Variants in SCPEP1 observed in about 807,000 individuals in gnomAD.
The protein encoded by SCPEP1 is retinoid-inducible serine carboxypeptidase.
Under a neutral mutation model 63.8 loss-of-function variants are expected in SCPEP1, and 51 were observed. The observed-to-expected ratio is 0.80, with a 90% CI of 0.64 to 1.01. The LOEUF (loss-of-function observed/expected upper bound fraction) is 1.01. Among genes scored for constraint, SCPEP1 ranks in the 50% least tolerant of loss-of-function variants. The pLI, the probability that SCPEP1 is intolerant of heterozygous loss-of-function variation, is 0.00. For synonymous variants in SCPEP1, 204 were observed against 207.8 expected (o/e 0.98, Z 0.16); for missense variants, 499 against 554.9 (o/e 0.90, Z 1.01).
At chr17:57,004,258 C>T (rs968133515) in intron 12 of SCPEP1, among the ~76,000 whole-genome samples, 1 of 152,120 alleles carries the variant, frequency 6.6e-6, no homozygotes, top group Non-Finnish European at 1.5e-5. Context: ...GGCGCGGTGG[C>T]GCCTGCCTGT....
chr17:56,990,619 T>C (rs1265668777), intron 5 of SCPEP1, among the ~76,000 whole-genome samples: 1 of 152,202 alleles, frequency 6.6e-6, no homozygotes, highest in Non-Finnish European at 1.5e-5. Flanking sequence ...TAAATTTTCA[T>C]CTCAAATATT....
chr17:56,981,398 A>G (rs1911064448), intron 2 of SCPEP1, among the ~76,000 whole-genome samples, 168 bp downstream of exon 2: 1 of 152,172 alleles, frequency 6.6e-6, no homozygotes. Flanking sequence ...TGGTATAGCC[A>G]AGGAGGCTAA....
At chr17:56,994,085 C>G (rs1911475958) in intron 6 of SCPEP1, among the ~76,000 whole-genome samples, 1 of 152,138 alleles carries the variant, frequency 6.6e-6, no homozygotes, top group East Asian at 1.9e-4. Flanking sequence ...ATCTGTAATC[C>G]TAGCACTTTG....
chr17:56,982,992 C>G (rs1911112737), intron 2 of SCPEP1: 1 of 152,078 alleles, frequency 6.6e-6, no homozygotes, highest in Non-Finnish European at 1.5e-5. Flanking sequence ...TCGGGGGAAT[C>G]TTTGAGAATC....
intron 6 of SCPEP1, among the ~76,000 whole-genome samples, chr17:56,993,231 T>G (rs1911450526): frequency 6.6e-6 from 1 of 152,154 alleles, no homozygotes; most frequent in Non-Finnish European, 1.5e-5. Context: ...TACAATTTCA[T>G]TTTTTCAGGG....
intron 10 of SCPEP1, among the ~76,000 whole-genome samples, chr17:56,999,980 C>T (rs1375639502): frequency 8.4e-6 from 1 of 119,042 alleles, no homozygotes; most frequent in East Asian, 2.4e-4. Flanking sequence ...GAAACTCTGT[C>T]TAAAAAAAAA....
At position 56,985,053 on chromosome 17, in the gene SCPEP1, C is replaced by T. The variant is rs188980475; in HGVS notation, c.226-325C>T. 8.6e-4 allele frequency: 272 copies of T among 316,398 alleles called. 1 individual carries two copies. Among genetic ancestry groups the T allele is most frequent in the Non-Finnish European group, 1.2e-3 (201 of 168,560 alleles). The allele number at this position is 316,398 out of a possible 1,614,324, so 19.6% of individuals were successfully genotyped here. On this transcript the variant is annotated intron_variant, in intron 2 of 12. Coordinates refer to ENST00000262288, the MANE Select transcript of SCPEP1 (RefSeq NM_021626.3). ...CCCAGAGGTAGAAGCTGTGGTGAGCCGAGATTGCACCACTGCACTCCAACC... is the reference window on the plus strand; with the variant it reads ...CCCAGAGGTAGAAGCTGTGGTGAGCTGAGATTGCACCACTGCACTCCAACC...
chr17:56,987,590 T>C, intron 3 of SCPEP1, 105 bp from the exon 4 acceptor site: 1 of 1,019,388 alleles, frequency 9.8e-7, no homozygotes, highest in Non-Finnish European at 1.4e-6. Flanking sequence ...ACCACGCTGG[T>C]ATCCTCACAT....
chr17:57,006,047 G>A, intron 12 of SCPEP1, 126 bp from the exon 13 acceptor site: 1 of 639,912 alleles, frequency 1.6e-6, no homozygotes, highest in Non-Finnish European at 2.7e-6. Flanking sequence ...GATGTGCCCA[G>A]GTGTCTGCAC....
rs746238482 is a variant in SCPEP1 at position 57,000,820 on chromosome 17, C to G, written c.995-35C>G. The stretch of plus-strand genomic sequence containing the variant: ...AGGTACCTCCTGTTTTGGCAGATTC[C>G]AAGCTACTCCCTCTTTCTCCTTCCC... On this transcript the variant is annotated intron_variant, in intron 10 of 12. Coordinates refer to ENST00000262288, the MANE Select transcript of SCPEP1 (RefSeq NM_021626.3). 3.1e-6 allele frequency: 5 copies of G among 1,612,836 alleles called. No homozygotes were observed. In the African/African-American group the frequency reaches 6.7e-5, roughly 22 times the overall value.
In SCPEP1 at chr17:56,994,998, G is replaced by A; in HGVS notation, c.637G>A (p.Gly213Arg). ...ISPVDSVLSW[G>R]PYLYSMSLLE... ...TCCTTTAGATTCGGTGCTCTCCTGG[G>A]GACCTTACCTGTACAGCATGGTAAG... The change falls in exon 7 of 13, where the codon GGA becomes AGA. Residue 213 changes from glycine (G) to arginine (R), a missense_variant. Gly to Arg is a moderately radical substitution (Grantham distance 125). Transcript: ENST00000262288. 1 of 1,613,462 alleles carries A rather than the reference G, an allele frequency of 6.2e-7. No individual in the cohort carries two copies. Among genetic ancestry groups the A allele is most frequent in the Non-Finnish European group, 8.5e-7 (1 of 1,179,502 alleles).
chr17:56,998,083 C>T (rs982168700), intron 9 of SCPEP1: 22 of 282,138 alleles, frequency 7.8e-5, no homozygotes, highest in Non-Finnish European at 1.2e-4. Context: ...GAGGCTGAGG[C>T]GGGTGGATCA....
At position 56,992,506 on chromosome 17, in the gene SCPEP1, T is replaced by C. The variant is rs141210135; in HGVS notation, c.619+1335T>C. 2.3e-3 allele frequency among the ~76,000 whole-genome samples: 353 copies of C among 152,328 alleles called. 1 individual carries two copies. The highest frequency in any genetic ancestry group is 8.2e-3 in the African/African-American group (340 of 41,572). On this transcript the variant is annotated intron_variant, in intron 6 of 12. Transcript: ENST00000262288. ...CAGGTCTTGCAACCCAGAGGTGTGC[T>C]GTTTCATAACTGAGCATCCTCACTG...
intron 12 of SCPEP1, 84 bp downstream of exon 12, chr17:57,002,265 A>G: frequency 7.1e-7 from 1 of 1,403,656 alleles, no homozygotes; most frequent in Non-Finnish European, 9.8e-7. Context: ...TCCACTGCCC[A>G]GGTGGGTCTT....
At chr17:56,991,271 A>C (rs1256593433) in intron 6 of SCPEP1, 100 bp downstream of exon 6, 3 of 916,888 alleles carry the variant, frequency 3.3e-6, no homozygotes, top group African/African-American at 3.3e-5. Flanking sequence ...AAGCAGGAGA[A>C]TGTTCTGGGC....
chr17:57,006,347 C>G lies in SCPEP1; in HGVS notation c.*112C>G, dbSNP rs1489840620. Reference sequence around the variant, plus strand: ...CCCTGTATCTAACTGGGGCTGTGATCAAGAAGGTTCTGACCAGCTTCTGCA... The same window carrying G: ...CCCTGTATCTAACTGGGGCTGTGATGAAGAAGGTTCTGACCAGCTTCTGCA... On this transcript the variant is annotated 3_prime_UTR_variant, in exon 13 of 13. Coordinates refer to ENST00000262288, the MANE Select transcript of SCPEP1 (RefSeq NM_021626.3). 5.8e-6 allele frequency: 4 copies of G among 693,578 alleles called. No individual in the cohort carries two copies. Among genetic ancestry groups the G allele is most frequent in the African/African-American group, 3.7e-5 (2 of 54,568 alleles). 43.0% of individuals were successfully genotyped at this position (693,578 alleles called of 1,614,324 possible).
chr17:56,979,524 T>C (rs920733348), intron 1 of SCPEP1, among the ~76,000 whole-genome samples: 1 of 152,120 alleles, frequency 6.6e-6, no homozygotes, highest in African/African-American at 2.4e-5. Flanking sequence ...TGCTATAACT[T>C]GGAAATTGTT....
In SCPEP1 at chr17:56,997,071, AGTT is replaced by A. The variant is rs778667979; in HGVS notation, c.880+17_880+19del. On this transcript the variant is annotated intron_variant, in intron 9 of 12. Coordinates refer to ENST00000262288, the MANE Select transcript of SCPEP1 (RefSeq NM_021626.3). ...AGCCACCTAGGTGAGTGAACCTTGA[AGTT>A]ATTAAAGTCCCTGCCTCAGCCTCCA... 7 of 1,471,800 alleles carry A rather than the reference AGTT, an allele frequency of 4.8e-6. No homozygotes were observed. In the East Asian group the frequency reaches 1.6e-4, roughly 34 times the overall value. The allele number at this position is 1,471,800 out of a possible 1,614,324, so 91.2% of individuals were successfully genotyped here.
At position 56,988,613 on chromosome 17, in the gene SCPEP1, A is replaced by G. The variant is rs535688012; in HGVS notation, c.546+323A>G. On this transcript the variant is annotated intron_variant, in intron 5 of 12. Transcript: ENST00000262288. The stretch of plus-strand genomic sequence containing the variant: ...TGTGTATCATATATTTGTATTTTAT[A>G]TAAATATATATGATCATATATAAAT... 7.2e-5 allele frequency among the ~76,000 whole-genome samples: 11 copies of G among 151,870 alleles called. No homozygotes were observed. The South Asian group carries it at 2.3e-3, about 31-fold the overall frequency.
Sources: allele counts gnomAD v4.1 joint callset (sites outside exome capture counted in the v4.1 genomes callset), GRCh38; gene constraint gnomAD v4.1.1; transcripts MANE v1.5; gene names NCBI Gene and HGNC (gene_info 2026-07-23, HGNC 2026-07-21).